The following PSD3 variants were observed in gnomAD, a reference collection of about 807,000 sequenced individuals.
The protein encoded by PSD3 is pleckstrin and Sec7 domain containing 3, also known as PH and SEC7 domain-containing protein 3.
A neutral mutation model predicts 105.5 loss-of-function variants in PSD3; 49 were observed. The observed-to-expected ratio is 0.46, with a 90% CI of 0.37 to 0.59. PSD3 has a LOEUF of 0.59. Among genes scored for constraint, PSD3 ranks in the 20% least tolerant of loss-of-function variants. The pLI is 0.00. For missense variants in PSD3, 1,561 were observed against 1,263.8 expected, an observed-to-expected ratio of 1.24 and a Z score of -3.57; for synonymous variants, 557 against 457.8, an observed-to-expected ratio of 1.22 and a Z score of -2.77.
At chr8:18,655,824 G>T in intron 9 of PSD3, 139 bp from the exon 10 acceptor site, 1 of 728,946 alleles carries the variant, frequency 1.4e-6, no homozygotes, top group Non-Finnish European at 2.3e-6. Context: ...TTAGAAAGGT[G>T]AAGAATACAT....
At chr8:18,999,264 AG>A (rs895702742) in intron 1 of PSD3, among the ~76,000 whole-genome samples, 9 of 151,942 alleles carry the variant, frequency 5.9e-5, no homozygotes, top group African/African-American at 2.2e-4. Context: ...AACCAACTCC[AG>A]GATGTCTCAC....
At chr8:18,870,671 A>C (rs967556810) in intron 3 of PSD3, among the ~76,000 whole-genome samples, 1 of 147,800 alleles carries the variant, frequency 6.8e-6, no homozygotes, top group African/African-American at 2.6e-5. Flanking sequence ...CCAGAACCTA[A>C]AGTATAATTT....
At chr8:18,744,820 T>C (rs1307598252) in intron 9 of PSD3, among the ~76,000 whole-genome samples, 1 of 152,240 alleles carries the variant, frequency 6.6e-6, no homozygotes, top group African/African-American at 2.4e-5. Flanking sequence ...TGATCCTCTC[T>C]AGAACCCACA....
chr8:19,058,101 G>A (rs1828770687), intron 1 of PSD3, among the ~76,000 whole-genome samples: 2 of 152,188 alleles, frequency 1.3e-5, no homozygotes, highest in South Asian at 2.1e-4. Context: ...ATATTCAGTA[G>A]CAGAAAGGAA....
At chr8:19,069,249 T>C (rs757934412) in intron 1 of PSD3, among the ~76,000 whole-genome samples, 86 of 152,186 alleles carry the variant, frequency 5.7e-4, no homozygotes, top group Non-Finnish European at 1.0e-3. Flanking sequence ...AAATCTAATA[T>C]AACAATAAAT....
chr8:18,648,846 G>A (rs1808254221), intron 10 of PSD3, among the ~76,000 whole-genome samples: 1 of 152,220 alleles, frequency 6.6e-6, no homozygotes, highest in South Asian at 2.1e-4. Flanking sequence ...AAGGGCCAAG[G>A]TACAGCTCAA....
At chr8:18,732,486 T>A (rs1027044382) in intron 9 of PSD3, among the ~76,000 whole-genome samples, 1 of 152,236 alleles carries the variant, frequency 6.6e-6, no homozygotes, top group African/African-American at 2.4e-5. Flanking sequence ...CTCAACCCCA[T>A]GTGCTAATGG....
intron 10 of PSD3, among the ~76,000 whole-genome samples, chr8:18,651,511 T>C (rs1225073138): frequency 6.6e-6 from 1 of 152,246 alleles, no homozygotes; most frequent in Non-Finnish European, 1.5e-5. Context: ...ACATCCTTTC[T>C]ATAGCCTTTT....
chr8:18,539,925 C>T (rs556411033), intron 15 of PSD3, among the ~76,000 whole-genome samples: 19 of 152,218 alleles, frequency 1.2e-4, no homozygotes, highest in African/African-American at 4.6e-4. Flanking sequence ...TCATCATGGA[C>T]CCAAGAAGCT....
intron 7 of PSD3, chr8:18,800,875 A>G (rs562549384): frequency 2.6e-5 from 4 of 154,438 alleles, no homozygotes; most frequent in African/African-American, 9.6e-5. Context: ...TGTATAAGAA[A>G]TAAGAAAACT....
chr8:18,825,100 A>G (rs1371816173), intron 4 of PSD3, among the ~76,000 whole-genome samples: 1 of 152,218 alleles, frequency 6.6e-6, no homozygotes, highest in Non-Finnish European at 1.5e-5. Flanking sequence ...CTGCAATACT[A>G]CAATATACTA....
chr8:18,998,444 T>C (rs1826197313), intron 1 of PSD3, among the ~76,000 whole-genome samples: 1 of 151,814 alleles, frequency 6.6e-6, no homozygotes, highest in Non-Finnish European at 1.5e-5. Flanking sequence ...TCCCAGCACT[T>C]TGGGAGGCCG....
chr8:18,556,382 T>TAAAA (rs770271537), intron 14 of PSD3, 30 bp from the exon 15 acceptor site: 12 of 1,563,780 alleles, frequency 7.7e-6, no homozygotes, highest in South Asian at 3.5e-5. Context: ...CATTTAGCGT[T>TAAAA]CAAAAAAAAA....
chr8:18,774,464 C>A, intron 8 of PSD3: 1 of 214,690 alleles, frequency 4.7e-6, no homozygotes, highest in Non-Finnish European at 9.3e-6. Context: ...AACAATACAT[C>A]GTGTTCCTTC....
chr8:18,791,924 A>C (rs575275382), intron 8 of PSD3, among the ~76,000 whole-genome samples: 1 of 152,320 alleles, frequency 6.6e-6, no homozygotes, highest in African/African-American at 2.4e-5. Context: ...ACACAAAGAG[A>C]CACTTCTCAA....
chr8:18,755,587 T>C (rs1805970132), intron 9 of PSD3, among the ~76,000 whole-genome samples: 1 of 152,158 alleles, frequency 6.6e-6, no homozygotes, highest in African/African-American at 2.4e-5. Context: ...AATTTCAATA[T>C]AAATTCCCAC....
intron 11 of PSD3, among the ~76,000 whole-genome samples, chr8:18,623,903 T>G (rs1418469304): frequency 6.6e-6 from 1 of 152,210 alleles, no homozygotes; most frequent in African/African-American, 2.4e-5. Flanking sequence ...TTATCTTACG[T>G]GCAGATTCTT....
chr8:18,575,136 A>C lies in PSD3; in HGVS notation c.2631T>G (p.Phe877Leu). ...AAACCAACAAAACATACTGAGTTTGAAAAAGCAAGACCCTCCAGTCGGCAG... is the reference window on the plus strand; with the variant it reads ...AAACCAACAAAACATACTGAGTTTGCAAAAGCAAGACCCTCCAGTCGGCAG... Reference protein sequence around the residue: ...LKTADWRVLLFQTQSPEEMQG... With the variant: ...LKTADWRVLLLQTQSPEEMQG... Residue 877 changes from phenylalanine to leucine, a missense_variant, in exon 13 of 16, where the codon TTT (phenylalanine) becomes TTG (leucine). Physicochemically the swap from Phe to Leu is conservative, Grantham distance 22 (BLOSUM62 0). Coordinates refer to ENST00000327040, the MANE Select transcript of PSD3 (RefSeq NM_015310.4). The C allele has an allele frequency of 6.2e-7, 1 of 1,612,078 alleles. No individual in the cohort carries two copies. The highest frequency in any genetic ancestry group is 8.5e-7 in the Non-Finnish European group (1 of 1,179,272).
At position 18,765,535 on chromosome 8, in the gene PSD3, T is replaced by A; in HGVS notation, c.2086A>T (p.Ile696Phe). 1 of 1,604,100 alleles carries A rather than the reference T, an allele frequency of 6.2e-7. No homozygotes were observed. Among genetic ancestry groups the A allele is most frequent in the Non-Finnish European group, 8.5e-7 (1 of 1,170,914 alleles). The change falls in exon 9 of 16, where the codon ATT (isoleucine) becomes TTT (phenylalanine). Residue 696 changes from isoleucine to phenylalanine, a missense_variant. Transcript: ENST00000327040. ...LLNTDLHGHN[I>F]GKKMTCQEFI... ...TCCTGACAGGTCATCTTCTTTCCAA[T>A]ATTCTGAAACAGAGGCAAACAGTAC...
Sources: allele counts gnomAD v4.1 joint callset (sites outside exome capture counted in the v4.1 genomes callset), GRCh38; gene constraint gnomAD v4.1.1; transcripts MANE v1.5; gene names NCBI Gene and HGNC (gene_info 2026-07-23, HGNC 2026-07-21).